KHDRBS2: variants seen among roughly 807,000 people sequenced by gnomAD.
KHDRBS2 encodes KH RNA binding domain containing, signal transduction associated 2.
KHDRBS2 carries 26 observed loss-of-function variants against 44.3 expected under a neutral mutation model. The ratio of observed to expected loss-of-function variants is 0.59; its 90% CI spans 0.43 to 0.81. The LOEUF (loss-of-function observed/expected upper bound fraction) is 0.81. Ranked by LOEUF, KHDRBS2 falls within the 40% of genes least tolerant of loss-of-function variation. The pLI is 0.00. For synonymous variants in KHDRBS2, 194 were observed against 151.1 expected, an observed-to-expected ratio of 1.28 and a Z score of -2.08; for missense variants, 476 against 433.1, an observed-to-expected ratio of 1.10 and a Z score of -0.88.
At chr6:62,047,731 G>T in intron 3 of KHDRBS2, 147 bp downstream of exon 3, 1 of 643,514 alleles carries the variant, frequency 1.6e-6, no homozygotes, top group Non-Finnish European at 2.8e-6. Flanking sequence ...AGAGAGAGGA[G>T]ATAGCAGAAA....
the KHDRBS2 span, among the ~76,000 whole-genome samples, chr6:61,581,799 G>A: frequency 6.6e-6 from 1 of 151,248 alleles, no homozygotes; most frequent in East Asian, 1.9e-4. Context: ...ACACTAAAGA[G>A]GCTTGTTAAA....
chr6:62,225,505 A>T (rs190218129), intron 1 of KHDRBS2, among the ~76,000 whole-genome samples: 4 of 152,304 alleles, frequency 2.6e-5, no homozygotes, highest in African/African-American at 9.6e-5. Context: ...ATAGGAATCT[A>T]AACTTAAAAT....
At chr6:61,904,637 C>A (rs760569155) in intron 4 of KHDRBS2, among the ~76,000 whole-genome samples, 3 of 152,146 alleles carry the variant, frequency 2.0e-5, no homozygotes, top group Non-Finnish European at 4.4e-5. Context: ...AGATCCATTC[C>A]TGGCCACACA....
At chr6:62,096,822 A>AT (rs988649463) in intron 2 of KHDRBS2, among the ~76,000 whole-genome samples, 43 of 151,062 alleles carry the variant, frequency 2.8e-4, no homozygotes, top group African/African-American at 9.5e-4. Flanking sequence ...ATTTTATTTT[A>AT]TTTTTTTCTG....
chr6:61,723,961 G>A (rs1235967298), intron 7 of KHDRBS2, among the ~76,000 whole-genome samples: 1 of 152,044 alleles, frequency 6.6e-6, no homozygotes, highest in African/African-American at 2.4e-5. Flanking sequence ...GAAATGTAGA[G>A]AACCCCAGTA....
At chr6:62,001,383 ATT>A (rs879616166) in intron 3 of KHDRBS2, among the ~76,000 whole-genome samples, 5 of 145,022 alleles carry the variant, frequency 3.4e-5, no homozygotes, top group Admixed American at 6.9e-5. Flanking sequence ...ACAATCATTC[ATT>A]TTTTTTTTTT....
chr6:61,599,523 C>T, the KHDRBS2 span, among the ~76,000 whole-genome samples: 1 of 152,138 alleles, frequency 6.6e-6, no homozygotes, highest in Admixed American at 6.5e-5. Flanking sequence ...GTGAAACACT[C>T]TTGTTGCCAC....
Position 61,704,663 on chromosome 6 carries a change from C to G in KHDRBS2, c.894-7410G>C, listed in dbSNP as rs970170327. 2.5e-4 allele frequency among the ~76,000 whole-genome samples: 38 copies of G among 151,806 alleles called. 1 individual carries two copies. Among genetic ancestry groups the G allele is most frequent in the African/African-American group, 8.5e-4 (35 of 41,364 alleles). On this transcript the variant is annotated intron_variant, in intron 7 of 8. Transcript: ENST00000281156. Reference sequence around the variant, plus strand: ...GACAATGAAGGATTTAAGAGGGAAGCATGATTATATTTTGGCTTAAACAGG... The same window carrying G: ...GACAATGAAGGATTTAAGAGGGAAGGATGATTATATTTTGGCTTAAACAGG...
chr6:61,614,347 A>T, the KHDRBS2 span, among the ~76,000 whole-genome samples: 1 of 152,328 alleles, frequency 6.6e-6, no homozygotes, highest in East Asian at 1.9e-4. Context: ...TGCCATGATG[A>T]TTATCAGAAT....
intron 6 of KHDRBS2, among the ~76,000 whole-genome samples, chr6:61,841,142 G>A (rs1793536443): frequency 6.6e-6 from 1 of 152,048 alleles, no homozygotes; most frequent in Non-Finnish European, 1.5e-5. Flanking sequence ...TATCTAACAA[G>A]CTGTAACTGG....
intron 3 of KHDRBS2, among the ~76,000 whole-genome samples, chr6:62,020,906 T>A (rs1782156728): frequency 6.6e-6 from 1 of 152,034 alleles, no homozygotes; most frequent in South Asian, 2.1e-4. Flanking sequence ...TACAAACCGT[T>A]GTATCATAAA....
intron 3 of KHDRBS2, among the ~76,000 whole-genome samples, chr6:62,041,378 C>T (rs1020554749): frequency 1.3e-5 from 2 of 151,942 alleles, no homozygotes; most frequent in African/African-American, 4.8e-5. Context: ...AAGCTTATGA[C>T]CTAAAATAAT....
intron 6 of KHDRBS2, among the ~76,000 whole-genome samples, chr6:61,885,044 T>G (rs1167263289): frequency 6.6e-6 from 1 of 152,112 alleles, no homozygotes; most frequent in African/African-American, 2.4e-5. Flanking sequence ...AACAAACAAC[T>G]GTAAATTTTC....
intron 3 of KHDRBS2, among the ~76,000 whole-genome samples, chr6:62,028,220 G>C (rs1394630409): frequency 6.6e-6 from 1 of 152,094 alleles, no homozygotes; most frequent in African/African-American, 2.4e-5. Context: ...AATAGTAGCA[G>C]AGTATAGAAG....
At chr6:61,829,867 A>G (rs114678060) in intron 6 of KHDRBS2, among the ~76,000 whole-genome samples, 344 of 152,282 alleles carry the variant, frequency 2.3e-3, no homozygotes, top group African/African-American at 7.9e-3. Flanking sequence ...AAAAGGTGTC[A>G]TGGCCAGATT....
rs533482730 is a variant in KHDRBS2, at chr6:61,812,852, G to A, written c.811-80088C>T. Among the ~76,000 whole-genome samples, 8 of 152,078 alleles carry A rather than the reference G, an allele frequency of 5.3e-5. No individual in the cohort carries two copies. In the East Asian group the frequency reaches 1.5e-3, roughly 29 times the overall value. ...TATTTTTCTAATACCTTTGGCCTCAGTACATTTTCACATTTGTACCTTGGC... is the reference window on the plus strand; with the variant it reads ...TATTTTTCTAATACCTTTGGCCTCAATACATTTTCACATTTGTACCTTGGC... On this transcript the variant is annotated intron_variant, in intron 6 of 8. Transcript: ENST00000281156.
rs550575686 is a variant in KHDRBS2 at position 62,277,776 on chromosome 6, G to A, written c.91+8082C>T. Among the ~76,000 whole-genome samples, 4 of 152,264 alleles carry A rather than the reference G, an allele frequency of 2.6e-5. No individual in the cohort carries two copies. In the South Asian group the frequency reaches 8.3e-4, roughly 32 times the overall value. ...AAGGTAAATAGCCTAATGCTTTTAT[G>A]ATTGTTTATTATCTCTCTATACTGC... On this transcript the variant is annotated intron_variant, in intron 1 of 8. Coordinates refer to ENST00000281156, the MANE Select transcript of KHDRBS2 (RefSeq NM_152688.4).
chr6:61,654,208 ATC>A, the KHDRBS2 span, among the ~76,000 whole-genome samples: 1 of 152,216 alleles, frequency 6.6e-6, no homozygotes, highest in African/African-American at 2.4e-5. Context: ...CCACCTATAA[ATC>A]AGTTCCTTTC....
intron 6 of KHDRBS2, among the ~76,000 whole-genome samples, chr6:61,828,108 A>G (rs1459029722): frequency 6.6e-6 from 1 of 152,184 alleles, no homozygotes; most frequent in African/African-American, 2.4e-5. Context: ...GACATCTATG[A>G]TGTTCAGACC....
Sources: allele counts gnomAD v4.1 joint callset (sites outside exome capture counted in the v4.1 genomes callset), GRCh38; gene constraint gnomAD v4.1.1; transcripts MANE v1.5; gene names NCBI Gene and HGNC (gene_info 2026-07-23, HGNC 2026-07-21).